Variants in KIFAP3 observed in about 807,000 individuals in gnomAD.
KIFAP3 encodes kinesin associated protein 3.
KIFAP3 carries 68 observed loss-of-function variants against 106.5 expected under a neutral mutation model. The ratio of observed to expected loss-of-function variants is 0.64; its 90% CI spans 0.53 to 0.78. The LOEUF is 0.78. KIFAP3 is among the 30% of genes least tolerant of loss of function. KIFAP3 has a pLI of 0.00. For missense variants in KIFAP3, 780 were observed against 941.8 expected (o/e 0.83, Z 2.25); for synonymous variants, 320 against 311.5 (o/e 1.03, Z -0.29).
intron 17 of KIFAP3, among the ~76,000 whole-genome samples, chr1:169,967,744 C>T (rs1011923679): frequency 6.6e-6 from 1 of 151,802 alleles, no homozygotes; most frequent in Admixed American, 6.6e-5. Context: ...CTGAAAAATA[C>T]TGGTAGGATA....
chr1:170,019,480 A>C (rs1668694707), intron 9 of KIFAP3, among the ~76,000 whole-genome samples: 2 of 152,154 alleles, frequency 1.3e-5, no homozygotes, highest in Non-Finnish European at 2.9e-5. Context: ...TATCATGACC[A>C]AGTAATGTTT....
At chr1:170,054,111 T>C (rs1393931012) in intron 2 of KIFAP3, among the ~76,000 whole-genome samples, 1 of 152,200 alleles carries the variant, frequency 6.6e-6, no homozygotes, top group Non-Finnish European at 1.5e-5. Flanking sequence ...TAAGGTCTAA[T>C]ATCCAGAATC....
intron 16 of KIFAP3, among the ~76,000 whole-genome samples, chr1:169,974,115 G>A (rs1487946526): frequency 6.6e-6 from 1 of 151,694 alleles, no homozygotes; most frequent in Non-Finnish European, 1.5e-5. Context: ...TGAAATTTAA[G>A]TTTGCATCCC....
intron 9 of KIFAP3, among the ~76,000 whole-genome samples, chr1:170,023,042 G>A (rs1668931709): frequency 6.6e-6 from 1 of 151,950 alleles, no homozygotes; most frequent in Admixed American, 6.6e-5. Context: ...CAATTATTTA[G>A]CCATACTCTA....
upstream of KIFAP3, among the ~76,000 whole-genome samples, chr1:170,075,987 A>G: frequency 6.6e-6 from 1 of 152,218 alleles, no homozygotes; most frequent in East Asian, 1.9e-4. Flanking sequence ...AACACCTTTA[A>G]TGGTAATATA....
At chr1:170,034,238 AAC>A in intron 7 of KIFAP3, 132 bp downstream of exon 7, 2 of 751,346 alleles carry the variant, frequency 2.7e-6, no homozygotes, top group Non-Finnish European at 4.3e-6. Flanking sequence ...AACCTTCAAT[AAC>A]ACACTCCTGC....
At chr1:170,040,224 T>C (rs1008784459) in intron 3 of KIFAP3, among the ~76,000 whole-genome samples, 1 of 152,166 alleles carries the variant, frequency 6.6e-6, no homozygotes, top group Non-Finnish European at 1.5e-5. Flanking sequence ...GTATTATTAT[T>C]TTGTTTCAAT....
At chr1:169,923,231 T>C (rs1662918546) in intron 19 of KIFAP3, 2 of 245,336 alleles carry the variant, frequency 8.2e-6, no homozygotes, top group South Asian at 3.1e-4. Flanking sequence ...TAAGTCTACA[T>C]TTTATTTTGA....
chr1:170,021,941 C>CTTTTTT lies in KIFAP3; in HGVS notation c.1020+2471_1020+2476dup, dbSNP rs71125221. Among the ~76,000 whole-genome samples, 17 of 77,902 alleles carry CTTTTTT rather than the reference C, an allele frequency of 2.2e-4. 1 individual carries two copies. The highest frequency in any genetic ancestry group is 4.8e-4 in the African/African-American group (10 of 21,020). 51.1% of individuals were successfully genotyped at this position (77,902 alleles called of 152,430 possible). On this transcript the variant is annotated intron_variant, in intron 9 of 19. Coordinates refer to ENST00000361580, the MANE Select transcript of KIFAP3 (RefSeq NM_014970.4). ...TCAGGTCTATTTCTTTCTTTTCTTT[C>CTTTTTT]TTTTTTTTTTTTTTTTTTTTTTTTT...
intron 16 of KIFAP3, among the ~76,000 whole-genome samples, chr1:169,975,085 T>C (rs149644568): frequency 4.2e-4 from 64 of 152,252 alleles, no homozygotes; most frequent in African/African-American, 1.5e-3. Context: ...CTGTTTTTTA[T>C]TGTTGCATTT....
intron 17 of KIFAP3, among the ~76,000 whole-genome samples, chr1:169,966,008 T>C (rs963560099): frequency 1.3e-4 from 20 of 152,068 alleles, no homozygotes; most frequent in Non-Finnish European, 2.5e-4. Flanking sequence ...ATTGAATTAT[T>C]GTATAGAACC....
At chr1:170,020,977 A>T (rs1270537168) in intron 9 of KIFAP3, among the ~76,000 whole-genome samples, 2 of 152,018 alleles carry the variant, frequency 1.3e-5, no homozygotes, top group East Asian at 1.9e-4. Context: ...AGTCCACTAA[A>T]TTTTTTTTAT....
At chr1:170,059,839 T>C (rs546365587) in intron 1 of KIFAP3, among the ~76,000 whole-genome samples, 57 of 152,206 alleles carry the variant, frequency 3.7e-4, no homozygotes, top group Middle Eastern at 3.4e-3. Flanking sequence ...GGCTTCACCA[T>C]TGGAATGCAA....
intron 17 of KIFAP3, among the ~76,000 whole-genome samples, chr1:169,968,255 A>G (rs7540497): frequency 0.17 from 25,646 of 151,804 alleles, 2,287 homozygotes; most frequent in Admixed American, 0.22. Context: ...GTCCTACATC[A>G]TTTTGTTTAC....
intron 1 of KIFAP3, 54 bp from the exon 2 acceptor site, chr1:170,055,490 T>G: frequency 1.4e-4 from 180 of 1,327,300 alleles, no homozygotes; most frequent in Non-Finnish European, 1.6e-4. Flanking sequence ...AAAGTGGCCA[T>G]GGTTTTTATC....
At chr1:170,031,738 TA>T in intron 8 of KIFAP3, 147 bp downstream of exon 8, 1 of 559,698 alleles carries the variant, frequency 1.8e-6, no homozygotes, top group Non-Finnish European at 3.3e-6. Context: ...TTACCCATGC[TA>T]AAGACAGACG....
chr1:170,081,428 A>G (rs1363030375), intron 1 of KIFAP3, among the ~76,000 whole-genome samples: 1 of 152,224 alleles, frequency 6.6e-6, no homozygotes, highest in Non-Finnish European at 1.5e-5. Flanking sequence ...TTATTGTCTT[A>G]CAGTTCTGTA....
At position 169,972,478 on chromosome 1, in the gene KIFAP3, C is replaced by A; in HGVS notation, c.1983+35G>T. The A allele has an allele frequency of 2.9e-6, 3 of 1,022,848 alleles. No individual in the cohort carries two copies. The South Asian group carries it at 4.1e-5, about 14-fold the overall frequency. The allele number at this position is 1,022,848 out of a possible 1,614,324, so 63.4% of individuals were successfully genotyped here. A position where few individuals can be genotyped will look rare whatever the true frequency, so the allele number is the denominator to read the frequency against. On this transcript the variant is annotated intron_variant, in intron 17 of 19. Coordinates refer to ENST00000361580, the MANE Select transcript of KIFAP3 (RefSeq NM_014970.4). ...ATGACTTTCTCCCCCAAGATGAAGT[C>A]AATTATACTTTGTGTAGAAAAAATA...
At chr1:170,034,872 T>A (rs1182805205) in intron 6 of KIFAP3, among the ~76,000 whole-genome samples, 4 of 152,058 alleles carry the variant, frequency 2.6e-5, no homozygotes, top group South Asian at 4.1e-4. Context: ...ATTCGTAAAG[T>A]ACTAGTAATC....
Sources: allele counts gnomAD v4.1 joint callset (sites outside exome capture counted in the v4.1 genomes callset), GRCh38; gene constraint gnomAD v4.1.1; transcripts MANE v1.5; gene names NCBI Gene and HGNC (gene_info 2026-07-23, HGNC 2026-07-21).